PIEZO1: variants seen among roughly 807,000 people sequenced by gnomAD.
The protein encoded by PIEZO1 is piezo-type mechanosensitive ion channel component 1.
PIEZO1 carries 296 observed loss-of-function variants against 297.2 expected under a neutral mutation model. That is an observed-to-expected ratio of 1.00 (90% CI 0.91 to 1.10). The LOEUF (loss-of-function observed/expected upper bound fraction) is 1.10. PIEZO1 is among the 50% of genes least tolerant of loss of function. The pLI is 0.00. For synonymous variants in PIEZO1, 2,427 were observed against 1,507.5 expected, an observed-to-expected ratio of 1.61 and a Z score of -14.13; for missense variants, 5,018 against 3,455.5, an observed-to-expected ratio of 1.45 and a Z score of -11.34.
At chr16:88,768,391 T>TG (rs1238284471) in intron 1 of PIEZO1, among the ~76,000 whole-genome samples, 1 of 152,070 alleles carries the variant, frequency 6.6e-6, no homozygotes, top group African/African-American at 2.4e-5. Flanking sequence ...TTGTTCCCTG[T>TG]GGGGGGTGGG....
chr16:88,773,705 G>A (rs574636878), intron 1 of PIEZO1, among the ~76,000 whole-genome samples: 10 of 150,960 alleles, frequency 6.6e-5, no homozygotes, highest in Non-Finnish European at 1.5e-4. Context: ...GGTCGGGGGA[G>A]TGGACAGCAG....
chr16:88,750,397 C>T (rs1597472688), intron 1 of PIEZO1, among the ~76,000 whole-genome samples: 2 of 152,362 alleles, frequency 1.3e-5, no homozygotes, highest in African/African-American at 4.8e-5. Context: ...TGGGAGCCCC[C>T]GCACACGTAT....
In PIEZO1 at chr16:88,773,388, G is replaced by A. The variant is rs115729015; in HGVS notation, c.64+11513C>T. On this transcript the variant is annotated intron_variant, in intron 1 of 50. Coordinates refer to ENST00000301015, the MANE Select transcript of PIEZO1 (RefSeq NM_001142864.4). ...GTGGGCAGGGGGAGGGGCCTTGCCC[G>A]AGACCAGAGGTGGCTGGGGGCCGAG... 1.1e-3 allele frequency among the ~76,000 whole-genome samples: 170 copies of A among 152,386 alleles called. 1 individual carries two copies. Among genetic ancestry groups the A allele is most frequent in the African/African-American group, 3.9e-3 (161 of 41,596 alleles).
chr16:88,733,518 G>C (rs1371739848), intron 18 of PIEZO1, 64 bp from the exon 19 acceptor site: 41 of 1,529,838 alleles, frequency 2.7e-5, no homozygotes, highest in Admixed American at 2.2e-4. Flanking sequence ...GGCTGGGCTT[G>C]GGGAGGCCAG....
intron 1 of PIEZO1, among the ~76,000 whole-genome samples, chr16:88,783,528 T>A (rs2142917368): frequency 6.6e-6 from 1 of 152,292 alleles, no homozygotes; most frequent in South Asian, 2.1e-4. Flanking sequence ...TTTCAGAAGC[T>A]TTCCTGTTTC....
At chr16:88,745,741 TC>T (rs1165179716) in intron 2 of PIEZO1, 1 of 68,772 alleles carries the variant, frequency 1.5e-5, no homozygotes, top group Admixed American at 2.2e-4. Flanking sequence ...AGAACAAGAC[TC>T]CGTCTCAAAA....
In PIEZO1 at chr16:88,724,499, G is replaced by C. The variant is rs1353554359; in HGVS notation, c.4234+510C>G. Among the ~76,000 whole-genome samples the C allele has an allele frequency of 3.3e-5, 5 of 149,462 alleles. No individual in the cohort carries two copies. In the Admixed American group the frequency reaches 3.4e-4, roughly 10 times the overall value. Reference sequence around the variant, plus strand: ...TGAGCCGCAATCACGCCATTGCACTGTAGCCTGGGCGACAGGGCAAGACAC... The same window carrying C: ...TGAGCCGCAATCACGCCATTGCACTCTAGCCTGGGCGACAGGGCAAGACAC... On this transcript the variant is annotated intron_variant, in intron 30 of 50. Transcript: ENST00000301015.
At chr16:88,731,676 C>G in intron 22 of PIEZO1, 30 bp downstream of exon 22, 1 of 1,532,718 alleles carries the variant, frequency 6.5e-7, no homozygotes, top group South Asian at 1.2e-5. Flanking sequence ...GCCACAAAGC[C>G]CACTCCCACC....
chr16:88,749,273 C>T, intron 2 of PIEZO1, 111 bp downstream of exon 2: 1 of 647,388 alleles, frequency 1.5e-6, no homozygotes, highest in Non-Finnish European at 2.5e-6. Flanking sequence ...CGGGACCCCT[C>T]ATCTTCCACC....
In PIEZO1 at chr16:88,733,906, CT is replaced by C; in HGVS notation, c.2328del (p.Ala778GlnfsTer50). ...ATPHQATQVP[E>X]GAAKWGLVAE... ...GCTGTGCTCTGCCCGCCCAACCCAC[CT>C]TCAGGCACCTGCGTGGCCTGGTGGG... On this transcript the variant is annotated frameshift_variant and splice_region_variant, in exon 17 of 51. Transcript: ENST00000301015. LOFTEE classifies it high-confidence loss of function. 1.3e-6 allele frequency: 2 copies of C among 1,496,128 alleles called. No individual in the cohort carries two copies. The highest frequency in any genetic ancestry group is 2.5e-5 in the East Asian group (1 of 40,094). 92.7% of individuals were successfully genotyped at this position (1,496,128 alleles called of 1,614,324 possible). A position where few individuals can be genotyped will look rare whatever the true frequency, so the allele number is the denominator to read the frequency against.
At chr16:88,734,170 G>A in intron 16 of PIEZO1, 116 bp from the exon 17 acceptor site, 1 of 1,343,574 alleles carries the variant, frequency 7.4e-7, no homozygotes, top group East Asian at 2.5e-5. Context: ...CAGGTGCACA[G>A]CTGTGTCGCA....
rs575856697 is a variant in PIEZO1 at position 88,783,192 on chromosome 16, G to A, written c.64+1709C>T. Reference sequence around the variant, plus strand: ...GATCCCTCCCCCAGATCCCCCACGCGGATAGCAATCGAGAAGGCAGAACCC... The same window carrying A: ...GATCCCTCCCCCAGATCCCCCACGCAGATAGCAATCGAGAAGGCAGAACCC... On this transcript the variant is annotated intron_variant, in intron 1 of 50. Transcript: ENST00000301015. Among the ~76,000 whole-genome samples the A allele has an allele frequency of 3.3e-5, 5 of 152,246 alleles. No individual in the cohort carries two copies. The East Asian group carries it at 5.8e-4, about 18-fold the overall frequency.
chr16:88,775,565 C>T (rs1011637230), intron 1 of PIEZO1, among the ~76,000 whole-genome samples: 3 of 151,958 alleles, frequency 2.0e-5, no homozygotes, highest in Non-Finnish European at 2.9e-5. Context: ...TCCATCTCCA[C>T]TAACAATACA....
At chr16:88,750,375 C>T (rs944788537) in intron 1 of PIEZO1, among the ~76,000 whole-genome samples, 5 of 152,224 alleles carry the variant, frequency 3.3e-5, no homozygotes, top group African/African-American at 1.2e-4. Flanking sequence ...ATTCCTGCCC[C>T]CAGCACGTGT....
intron 16 of PIEZO1, 46 bp downstream of exon 16, chr16:88,734,310 G>C (rs1018687547): frequency 2.8e-6 from 4 of 1,446,122 alleles, no homozygotes; most frequent in Non-Finnish European, 3.7e-6. Context: ...CCCTGGCCCA[G>C]GAGGCTACAC....
intron 2 of PIEZO1, among the ~76,000 whole-genome samples, chr16:88,744,874 G>A (rs1905939733): frequency 1.3e-5 from 2 of 152,176 alleles, no homozygotes; most frequent in East Asian, 1.9e-4. Context: ...AGACGCTGCT[G>A]GAGATGGGAG....
chr16:88,724,907 G>A, intron 30 of PIEZO1, 102 bp downstream of exon 30: 1 of 750,436 alleles, frequency 1.3e-6, no homozygotes, highest in Admixed American at 3.9e-5. Context: ...CTCAGGGCCT[G>A]GGAGTCGGGG....
intron 19 of PIEZO1, 133 bp downstream of exon 19, chr16:88,733,145 G>A (rs991661835): frequency 6.0e-6 from 5 of 833,068 alleles, no homozygotes; most frequent in African/African-American, 5.2e-5. Flanking sequence ...AAGCCCCCTT[G>A]GCGCCCCCAG....
intron 1 of PIEZO1, among the ~76,000 whole-genome samples, chr16:88,775,740 A>AG (rs1363569491): frequency 1.8e-4 from 27 of 151,666 alleles, no homozygotes; most frequent in South Asian, 2.1e-4. Context: ...AAAAAAAAAA[A>AG]AAAAGAAAAG....
Sources: allele counts gnomAD v4.1 joint callset (sites outside exome capture counted in the v4.1 genomes callset), GRCh38; gene constraint gnomAD v4.1.1; transcripts MANE v1.5; gene names NCBI Gene and HGNC (gene_info 2026-07-23, HGNC 2026-07-21).